GPC5: variants seen among roughly 807,000 people sequenced by gnomAD.
The protein encoded by GPC5 is glypican 5, also known as glypican-5.
A neutral mutation model predicts 53.9 loss-of-function variants in GPC5; 47 were observed. The ratio of observed to expected loss-of-function variants is 0.87; its 90% CI spans 0.69 to 1.11. The LOEUF is 1.11. Ranked by LOEUF, GPC5 falls within the 50% of genes most tolerant of loss-of-function variation. GPC5 has a pLI of 0.00. For missense variants in GPC5, 748 were observed against 713.1 expected, an observed-to-expected ratio of 1.05 and a Z score of -0.56; for synonymous variants, 286 against 263.3, an observed-to-expected ratio of 1.09 and a Z score of -0.84.
At chr13:92,785,415 A>G (rs1876191889) in intron 7 of GPC5, among the ~76,000 whole-genome samples, 1 of 152,176 alleles carries the variant, frequency 6.6e-6, no homozygotes, top group Admixed American at 6.5e-5. Context: ...CTTGTGTTGG[A>G]GGCATTAGAT....
chr13:92,390,215 A>G (rs776437519), intron 7 of GPC5, among the ~76,000 whole-genome samples: 5 of 152,174 alleles, frequency 3.3e-5, no homozygotes, highest in Non-Finnish European at 4.4e-5. Flanking sequence ...CAGACCTTAT[A>G]ATATCTGATG....
At chr13:92,234,463 G>T (rs2042554891) in intron 7 of GPC5, among the ~76,000 whole-genome samples, 1 of 152,102 alleles carries the variant, frequency 6.6e-6, no homozygotes. Flanking sequence ...TGTGCATAGG[G>T]AGCCTCACAA....
chr13:92,260,708 C>T (rs2042760434), intron 7 of GPC5, among the ~76,000 whole-genome samples: 1 of 152,084 alleles, frequency 6.6e-6, no homozygotes, highest in Admixed American at 6.6e-5. Context: ...GGTTTTAGTC[C>T]CTTTCCTCCT....
chr13:92,362,436 C>T (rs773220372), intron 7 of GPC5, among the ~76,000 whole-genome samples: 1 of 151,802 alleles, frequency 6.6e-6, no homozygotes, highest in Admixed American at 6.5e-5. Flanking sequence ...GAGACTATTA[C>T]TAGCTCCTTT....
chr13:91,980,199 A>G (rs912587445), intron 6 of GPC5, among the ~76,000 whole-genome samples: 8 of 152,214 alleles, frequency 5.3e-5, no homozygotes, highest in African/African-American at 1.9e-4. Flanking sequence ...ATTTAAAAGT[A>G]TTGCATATCT....
At chr13:92,533,940 T>C (rs1881640453) in intron 7 of GPC5, among the ~76,000 whole-genome samples, 1 of 152,114 alleles carries the variant, frequency 6.6e-6, no homozygotes, top group African/African-American at 2.4e-5. Flanking sequence ...AAAGTGTGAA[T>C]TTTCTTCATA....
At chr13:92,065,972 T>C (rs747397115) in intron 6 of GPC5, among the ~76,000 whole-genome samples, 14 of 152,122 alleles carry the variant, frequency 9.2e-5, no homozygotes, top group Non-Finnish European at 1.3e-4. Flanking sequence ...AATATTCAAC[T>C]GTTGAAAAGA....
chr13:91,928,509 A>G (rs1419451632), intron 6 of GPC5, among the ~76,000 whole-genome samples: 1 of 152,184 alleles, frequency 6.6e-6, no homozygotes, highest in East Asian at 1.9e-4. Context: ...TTGGGCAGCC[A>G]ACAATTGGTC....
intron 7 of GPC5, among the ~76,000 whole-genome samples, chr13:92,660,174 A>T (rs918483995): frequency 6.6e-6 from 1 of 152,050 alleles, no homozygotes; most frequent in Non-Finnish European, 1.5e-5. Flanking sequence ...TTGGTGTATG[A>T]TTTTACCTAT....
At chr13:92,267,509 TTCTC>T (rs1322697158) in intron 7 of GPC5, among the ~76,000 whole-genome samples, 1 of 152,136 alleles carries the variant, frequency 6.6e-6, no homozygotes, top group Non-Finnish European at 1.5e-5. Context: ...TGGCTGATCT[TTCTC>T]AGAATCCTTG....
At chr13:92,834,250 T>G (rs1566437892) in intron 7 of GPC5, among the ~76,000 whole-genome samples, 1 of 152,200 alleles carries the variant, frequency 6.6e-6, no homozygotes, top group Non-Finnish European at 1.5e-5. Flanking sequence ...ATTCACAAGA[T>G]AATTATTTTT....
At chr13:92,534,933 C>A (rs1594284590) in intron 7 of GPC5, among the ~76,000 whole-genome samples, 1 of 152,282 alleles carries the variant, frequency 6.6e-6, no homozygotes, top group East Asian at 1.9e-4. Context: ...TTCAGTTGTA[C>A]TTCCAACGAT....
intron 6 of GPC5, among the ~76,000 whole-genome samples, chr13:92,076,879 T>C (rs891779475): frequency 2.0e-5 from 3 of 152,206 alleles, no homozygotes; most frequent in African/African-American, 7.2e-5. Flanking sequence ...TAAGTAAAAT[T>C]CTAGCACCTT....
intron 2 of GPC5, among the ~76,000 whole-genome samples, chr13:91,496,140 C>CAA (rs59111528): frequency 0.18 from 27,806 of 152,074 alleles, 2,779 homozygotes; most frequent in African/African-American, 0.26. Flanking sequence ...ATTTTAAAAA[C>CAA]AATTGCATTA....
Position 92,864,216 on chromosome 13 carries a change from T to G in GPC5, c.1562-2066T>G, listed in dbSNP as rs746389852. 3.7e-4 allele frequency among the ~76,000 whole-genome samples: 57 copies of G among 152,190 alleles called. 1 individual carries two copies. The highest frequency in any genetic ancestry group is 2.2e-4 in the Non-Finnish European group (15 of 68,032). Reference sequence around the variant, plus strand: ...AGGCTCTTGAAAAGATCTTGAATTCTTTTCACATACTTATTACTCAAAGGC... The same window carrying G: ...AGGCTCTTGAAAAGATCTTGAATTCGTTTCACATACTTATTACTCAAAGGC... On this transcript the variant is annotated intron_variant, in intron 7 of 7. Coordinates refer to ENST00000377067, the MANE Select transcript of GPC5 (RefSeq NM_004466.6).
At chr13:91,527,257 G>C (rs1886129067) in intron 2 of GPC5, among the ~76,000 whole-genome samples, 1 of 152,214 alleles carries the variant, frequency 6.6e-6, no homozygotes, top group Non-Finnish European at 1.5e-5. Context: ...AAGATACAAT[G>C]AGGATACAGG....
chr13:91,684,864 A>C (rs2139757923), intron 2 of GPC5, among the ~76,000 whole-genome samples: 1 of 152,306 alleles, frequency 6.6e-6, no homozygotes, highest in Admixed American at 6.5e-5. Context: ...CCTACTTCTC[A>C]GACCTTTCTC....
At chr13:92,459,295 G>A (rs926312448) in intron 7 of GPC5, among the ~76,000 whole-genome samples, 1 of 152,142 alleles carries the variant, frequency 6.6e-6, no homozygotes, top group Non-Finnish European at 1.5e-5. Context: ...TATGAGTTAG[G>A]GAGACCAAAA....
chr13:91,672,560 A>C (rs910230491), intron 2 of GPC5, among the ~76,000 whole-genome samples: 2 of 152,128 alleles, frequency 1.3e-5, no homozygotes, highest in African/African-American at 4.8e-5. Flanking sequence ...AGTCAGAATG[A>C]TGATTATTAA....
Sources: gnomAD v4.1 joint callset for allele counts (sites outside exome capture counted in the v4.1 genomes callset) on GRCh38, gnomAD v4.1.1 for gene constraint, MANE v1.5 for transcripts, NCBI Gene and HGNC (gene_info 2026-07-23, HGNC 2026-07-21) for gene names.